The following NDFIP2 variants were observed in gnomAD, a reference collection of about 807,000 sequenced individuals.
NDFIP2 encodes NEDD4 family-interacting protein 2.
NDFIP2 carries 19 observed loss-of-function variants against 36.0 expected under a neutral mutation model. That is an observed-to-expected ratio of 0.53 (90% CI 0.37 to 0.77). NDFIP2 has a LOEUF of 0.77. Among genes scored for constraint, NDFIP2 ranks in the 30% least tolerant of loss-of-function variants. NDFIP2 has a pLI of 0.00. For missense variants in NDFIP2, 446 were observed against 435.8 expected (o/e 1.02, Z -0.21); for synonymous variants, 181 against 167.7 (o/e 1.08, Z -0.61).
chr13:79,538,683 A>C (rs1875341126), intron 3 of NDFIP2, among the ~76,000 whole-genome samples: 1 of 152,164 alleles, frequency 6.6e-6, no homozygotes, highest in Non-Finnish European at 1.5e-5. Context: ...CCCGAGTTCA[A>C]GCGATTCTCA....
At chr13:79,543,479 C>A (rs1409108990) in intron 4 of NDFIP2, 79 bp from the exon 5 acceptor site, 4 of 1,530,928 alleles carry the variant, frequency 2.6e-6, no homozygotes, top group African/African-American at 2.8e-5. Flanking sequence ...TCCATTGAGC[C>A]ATGAAATATT....
chr13:79,546,190 C>T (rs992454668), intron 5 of NDFIP2, among the ~76,000 whole-genome samples: 4 of 151,048 alleles, frequency 2.6e-5, no homozygotes, highest in African/African-American at 7.3e-5. Context: ...AAAGTTTTCT[C>T]CTAAAAACCT....
At chr13:79,510,131 A>G (rs932810481) in intron 1 of NDFIP2, among the ~76,000 whole-genome samples, 5 of 152,128 alleles carry the variant, frequency 3.3e-5, no homozygotes, top group African/African-American at 1.2e-4. Flanking sequence ...GGTTTATACA[A>G]ATCTGCATAA....
chr13:79,499,361 C>G lies in NDFIP2; in HGVS notation c.321+17837C>G, dbSNP rs559983553. Reference sequence around the variant, plus strand: ...CTCTTGACTGCTTTTCAACATCATACTAGAAGTTCTAGCTCATGCAATATG... The same window carrying G: ...CTCTTGACTGCTTTTCAACATCATAGTAGAAGTTCTAGCTCATGCAATATG... On this transcript the variant is annotated intron_variant, in intron 1 of 7. Transcript: ENST00000218652. 2.0e-3 allele frequency among the ~76,000 whole-genome samples: 309 copies of G among 151,948 alleles called. 2 individuals carry two copies. The highest frequency in any genetic ancestry group is 3.6e-3 in the Non-Finnish European group (242 of 67,846).
In NDFIP2 at chr13:79,554,136, GAATTTTTATTGTTATATTAA is replaced by G. The variant is rs1369557356; in HGVS notation, c.*1637_*1656del. On this transcript the variant is annotated 3_prime_UTR_variant, in exon 8 of 8. Coordinates refer to ENST00000218652, the MANE Select transcript of NDFIP2 (RefSeq NM_019080.3). ...CTCATTCAGTTTACTTTCCTGCGTA[GAATTTTTATTGTTATATTAA>G]AATTTTTATTGTTGTATTAAAGTAC... The G allele has an allele frequency of 6.6e-6, 1 of 151,496 alleles. No individual in the cohort carries two copies. The highest frequency in any genetic ancestry group is 1.9e-4 in the East Asian group (1 of 5,178). The allele number at this position is 151,496 out of a possible 1,614,324, so 9.4% of individuals were successfully genotyped here.
Position 79,481,338 on chromosome 13 carries a change from A to G in NDFIP2, c.135A>G (p.Gly45=), listed in dbSNP as rs1488007260. ...CGGCGGCCGCTGCGGGAGCCACAGGAAGTGAAGAGCTTCCGCCGGGAGACC... is the reference window on the plus strand; with the variant it reads ...CGGCGGCCGCTGCGGGAGCCACAGGGAGTGAAGAGCTTCCGCCGGGAGACC... ...EVSAAAAGAT[G]SEELPPGDRG... Residue 45 remains glycine (G), a synonymous_variant, in exon 1 of 8, where the codon GGA becomes GGG. Transcript: ENST00000218652. 1.3e-6 allele frequency: 2 copies of G among 1,548,044 alleles called. No individual in the cohort carries two copies. Among genetic ancestry groups the G allele is most frequent in the Non-Finnish European group, 1.7e-6 (2 of 1,147,418 alleles).
chr13:79,554,172 A>G lies in NDFIP2; in HGVS notation c.*1659A>G, dbSNP rs1369425795. On this transcript the variant is annotated 3_prime_UTR_variant, in exon 8 of 8. Transcript: ENST00000218652. Reference sequence around the variant, plus strand: ...GTTATATTAAAATTTTTATTGTTGTATTAAAGTACCTGTGTTACACCCCTT... The same window carrying G: ...GTTATATTAAAATTTTTATTGTTGTGTTAAAGTACCTGTGTTACACCCCTT... 4 of 151,552 alleles carry G rather than the reference A, an allele frequency of 2.6e-5. No homozygotes were observed. The highest frequency in any genetic ancestry group is 2.4e-5 in the African/African-American group (1 of 41,398). The allele number at this position is 151,552 out of a possible 1,614,324, so 9.4% of individuals were successfully genotyped here. A position where few individuals can be genotyped will look rare whatever the true frequency, so the allele number is the denominator to read the frequency against.
intron 1 of NDFIP2, among the ~76,000 whole-genome samples, chr13:79,486,643 G>C (rs1341080822): frequency 6.6e-6 from 1 of 152,198 alleles, no homozygotes; most frequent in Non-Finnish European, 1.5e-5. Flanking sequence ...GTAGAGCAGA[G>C]ATCAGCAAAC....
intron 1 of NDFIP2, among the ~76,000 whole-genome samples, chr13:79,493,334 AC>A (rs1349506238): frequency 6.6e-6 from 1 of 152,186 alleles, no homozygotes; most frequent in African/African-American, 2.4e-5. Flanking sequence ...CAGCCTATGC[AC>A]TGTTGATATT....
At chr13:79,489,196 C>T (rs1454456975) in intron 1 of NDFIP2, among the ~76,000 whole-genome samples, 2 of 152,120 alleles carry the variant, frequency 1.3e-5, no homozygotes, top group African/African-American at 4.8e-5. Flanking sequence ...AGGACTGGAG[C>T]CATTTTGGGG....
At chr13:79,538,693 A>G (rs780435748) in intron 3 of NDFIP2, among the ~76,000 whole-genome samples, 18 of 152,044 alleles carry the variant, frequency 1.2e-4, no homozygotes, top group Non-Finnish European at 2.2e-4. Flanking sequence ...AGCGATTCTC[A>G]TGCCTCAGCC....
intron 4 of NDFIP2, among the ~76,000 whole-genome samples, chr13:79,541,302 G>A (rs751706080): frequency 1.3e-4 from 20 of 151,530 alleles, no homozygotes; most frequent in African/African-American, 2.2e-4. Context: ...TAATTTTTTA[G>A]ATTTGAAGCC....
chr13:79,534,825 C>T lies in NDFIP2; in HGVS notation c.621+1369C>T, dbSNP rs547657269. Among the ~76,000 whole-genome samples, 3 of 152,280 alleles carry T rather than the reference C, an allele frequency of 2.0e-5. 1 individual carries two copies. Among genetic ancestry groups the T allele is most frequent in the Admixed American group, 1.3e-4 (2 of 15,290 alleles). On this transcript the variant is annotated intron_variant, in intron 3 of 7. Coordinates refer to ENST00000218652, the MANE Select transcript of NDFIP2 (RefSeq NM_019080.3). ...GCAAGCAGATCCTCTGAGAGAAGAG[C>T]ATGTGCCCTGAATGTGTTTCTTTGA...
intron 1 of NDFIP2, among the ~76,000 whole-genome samples, chr13:79,486,949 C>T (rs140107415): frequency 1.5e-4 from 23 of 152,228 alleles, no homozygotes; most frequent in Middle Eastern, 3.4e-3. Context: ...TGTGTAAGTA[C>T]GCTCTCTGAT....
intron 2 of NDFIP2, among the ~76,000 whole-genome samples, chr13:79,531,454 C>T (rs1875013151): frequency 6.6e-6 from 1 of 152,188 alleles, no homozygotes; most frequent in African/African-American, 2.4e-5. Flanking sequence ...TCCTCTCTAG[C>T]TATGAAAGTC....
chr13:79,505,562 A>G, intron 1 of NDFIP2, among the ~76,000 whole-genome samples: 1 of 150,894 alleles, frequency 6.6e-6, no homozygotes, highest in African/African-American at 2.5e-5. Context: ...CCCAGAAGTT[A>G]GAGGCTGTAG....
chr13:79,548,248 C>A, intron 5 of NDFIP2, 80 bp from the exon 6 acceptor site: 1 of 1,074,336 alleles, frequency 9.3e-7, no homozygotes, highest in Non-Finnish European at 1.4e-6. Flanking sequence ...TGAAGTAAAT[C>A]ATTATGAAAC....
chr13:79,511,075 GA>G (rs1306311210), intron 1 of NDFIP2, among the ~76,000 whole-genome samples: 2 of 151,936 alleles, frequency 1.3e-5, no homozygotes, highest in South Asian at 2.1e-4. Flanking sequence ...AACAGATGGT[GA>G]ATGTTTGTTT....
rs1458942561 is a variant in NDFIP2, at chr13:79,554,797, A to G, written c.*2284A>G. ...GAAAAATCAAAACTCTTGTTAGGGT[A>G]TCTAAACATTTTTGAGTGTGAACTG... On this transcript the variant is annotated 3_prime_UTR_variant, in exon 8 of 8. Transcript: ENST00000218652. 1 of 151,976 alleles carries G rather than the reference A, an allele frequency of 6.6e-6. No individual in the cohort carries two copies. The highest frequency in any genetic ancestry group is 2.4e-5 in the African/African-American group (1 of 41,442). The allele number at this position is 151,976 out of a possible 1,614,324, so 9.4% of individuals were successfully genotyped here.
Sources: gnomAD v4.1 joint callset for allele counts (sites outside exome capture counted in the v4.1 genomes callset) on GRCh38, gnomAD v4.1.1 for gene constraint, MANE v1.5 for transcripts, NCBI Gene and HGNC (gene_info 2026-07-23, HGNC 2026-07-21) for gene names.